Variants in ALG14 observed in about 807,000 individuals in gnomAD.
ALG14 encodes the protein ALG14 UDP-N-acetylglucosaminyltransferase subunit, also known as UDP-N-acetylglucosamine transferase subunit ALG14.
ALG14 carries 17 observed loss-of-function variants against 22.8 expected under a neutral mutation model. That is an observed-to-expected ratio of 0.75 (90% CI 0.51 to 1.12). ALG14 has a LOEUF of 1.12. Ranked by LOEUF, ALG14 falls within the 50% of genes most tolerant of loss-of-function variation. ALG14 has a pLI of 0.00. For synonymous variants in ALG14, 89 were observed against 103.7 expected, an observed-to-expected ratio of 0.86 and a Z score of 0.86; for missense variants, 288 against 271.8, an observed-to-expected ratio of 1.06 and a Z score of -0.42.
In ALG14 at chr1:94,979,310, A is replaced by AAAAAAAAAAAAAAAAAAG. The variant is rs1553222994; in HGVS notation, c.*3765_*3766insCTTTTTTTTTTTTTTTTT. ...GTCTCGAAAAAAAAAAAAAAAAAAA[A>AAAAAAAAAAAAAAAAAAG]AAAAGAAAGAAAAAAGTGAAACAAG... On this transcript the variant is annotated 3_prime_UTR_variant, in exon 4 of 4. Transcript: ENST00000370205. The AAAAAAAAAAAAAAAAAAG allele has an allele frequency of 3.3e-5, 3 of 89,838 alleles. No individual in the cohort carries two copies. Among genetic ancestry groups the AAAAAAAAAAAAAAAAAAG allele is most frequent in the Non-Finnish European group, 2.0e-5 (1 of 49,328 alleles). The allele number at this position is 89,838 out of a possible 1,614,324, so 5.6% of individuals were successfully genotyped here. A position where few individuals can be genotyped will look rare whatever the true frequency, so the allele number is the denominator to read the frequency against.
In ALG14 at chr1:94,983,249, C is replaced by T; in HGVS notation, c.478G>A (p.Gly160Arg). 3 of 1,614,040 alleles carry T rather than the reference C, an allele frequency of 1.9e-6. No individual in the cohort carries two copies. The highest frequency in any genetic ancestry group is 1.7e-6 in the Non-Finnish European group (2 of 1,180,008). ...VPICVSALLL[G>R]ILGIKKVIIV... ...ATCACTTTCTTTATTCCTAGTATCCCAAGGAGAAGGGCAGATACACAGATA... is the reference window on the plus strand; with the variant it reads ...ATCACTTTCTTTATTCCTAGTATCCTAAGGAGAAGGGCAGATACACAGATA... Residue 160 changes from glycine to arginine, a missense_variant, in exon 4 of 4, where the codon GGG becomes AGG. Gly to Arg is a moderately radical substitution (Grantham distance 125). Transcript: ENST00000370205.
At chr1:95,026,561 AT>A (rs1317528449) in intron 3 of ALG14, among the ~76,000 whole-genome samples, 2 of 152,026 alleles carry the variant, frequency 1.3e-5, no homozygotes, top group Non-Finnish European at 2.9e-5. Flanking sequence ...GAACACATAC[AT>A]TTATTAAGTT....
chr1:94,982,977 T>C lies in ALG14; in HGVS notation c.*99A>G. 1 of 949,752 alleles carries C rather than the reference T, an allele frequency of 1.1e-6. No homozygotes were observed. Among genetic ancestry groups the C allele is most frequent in the Non-Finnish European group, 1.6e-6 (1 of 612,686 alleles). 58.8% of individuals were successfully genotyped at this position (949,752 alleles called of 1,614,324 possible). On this transcript the variant is annotated 3_prime_UTR_variant, in exon 4 of 4. Coordinates refer to ENST00000370205, the MANE Select transcript of ALG14 (RefSeq NM_144988.4). ...TTACCATCAATAATTCTCAGGACTG[T>C]CAGACGCCTTTACAAGAAACATGTA...
At position 95,038,770 on chromosome 1, in the gene ALG14, G is replaced by A. The variant is rs553065340; in HGVS notation, c.289-11510C>T. 8.1e-5 allele frequency among the ~76,000 whole-genome samples: 12 copies of A among 148,394 alleles called. No homozygotes were observed. The South Asian group carries it at 2.6e-3, about 32-fold the overall frequency. On this transcript the variant is annotated intron_variant, in intron 2 of 3. Coordinates refer to ENST00000370205, the MANE Select transcript of ALG14 (RefSeq NM_144988.4). ...GTCTCCCTCTCTTGCCCAGGCTGGA[G>A]AGCAGCGGCATGATCATGACTCACT...
chr1:95,007,382 G>C (rs144002716), intron 3 of ALG14, among the ~76,000 whole-genome samples: 1 of 152,192 alleles, frequency 6.6e-6, no homozygotes, highest in Non-Finnish European at 1.5e-5. Flanking sequence ...CATGTCCCAA[G>C]TCATCTAACC....
rs779810500 is a variant in ALG14 at position 95,019,940 on chromosome 1, G to A, written c.420+7189C>T. 5.3e-5 allele frequency among the ~76,000 whole-genome samples: 8 copies of A among 152,162 alleles called. No homozygotes were observed. In the East Asian group the frequency reaches 1.2e-3, roughly 22 times the overall value. On this transcript the variant is annotated intron_variant, in intron 3 of 3. Coordinates refer to ENST00000370205, the MANE Select transcript of ALG14 (RefSeq NM_144988.4). ...AAAAAGAAATCCATGATACATGGCC[G>A]GGTGTGGTGGCTCATGCCTATAATC...
intron 2 of ALG14, among the ~76,000 whole-genome samples, chr1:95,037,985 G>C (rs887595573): frequency 6.6e-6 from 1 of 152,188 alleles, no homozygotes; most frequent in Non-Finnish European, 1.5e-5. Flanking sequence ...AGTGATAATT[G>C]CAGTCAAAGG....
intron 2 of ALG14, among the ~76,000 whole-genome samples, chr1:95,052,630 G>A (rs1479537282): frequency 6.6e-6 from 1 of 152,144 alleles, no homozygotes; most frequent in Non-Finnish European, 1.5e-5. Flanking sequence ...GGCCGAGGCA[G>A]GTGGATCATT....
intron 3 of ALG14, among the ~76,000 whole-genome samples, chr1:94,995,288 A>T (rs541484270): frequency 2.0e-4 from 31 of 152,184 alleles, no homozygotes; most frequent in Admixed American, 5.9e-4. Context: ...TTTATGTGTG[A>T]GAGAGAGATA....
intron 1 of ALG14, among the ~76,000 whole-genome samples, chr1:95,065,393 G>A (rs1289284038): frequency 1.3e-5 from 2 of 152,062 alleles, no homozygotes; most frequent in Non-Finnish European, 2.9e-5. Context: ...GTAAGCAAAT[G>A]GTTATGAAAA....
At chr1:95,030,862 G>A (rs1673978034) in intron 2 of ALG14, among the ~76,000 whole-genome samples, 1 of 152,186 alleles carries the variant, frequency 6.6e-6, no homozygotes, top group Admixed American at 6.5e-5. Flanking sequence ...CAGAAGAATA[G>A]AAACTAGTGC....
intron 3 of ALG14, among the ~76,000 whole-genome samples, chr1:94,988,723 T>C (rs755364245): frequency 1.3e-5 from 2 of 152,186 alleles, no homozygotes; most frequent in Non-Finnish European, 2.9e-5. Context: ...GTATTCAGAG[T>C]ATTTGGTTCA....
intron 3 of ALG14, among the ~76,000 whole-genome samples, chr1:94,985,393 C>G (rs1195102066): frequency 6.6e-6 from 1 of 152,178 alleles, no homozygotes; most frequent in Non-Finnish European, 1.5e-5. Context: ...CCACAAGATT[C>G]CAGTAATCAA....
At chr1:95,009,483 A>G (rs2100747509) in intron 3 of ALG14, among the ~76,000 whole-genome samples, 1 of 152,264 alleles carries the variant, frequency 6.6e-6, no homozygotes, top group South Asian at 2.1e-4. Context: ...TGTTGTGCTG[A>G]AATGGATTTT....
rs1287054517 is a variant in ALG14, at chr1:94,977,454, T to G, written c.*5622A>C. 6.6e-6 allele frequency: 1 copy of G among 152,202 alleles called. No individual in the cohort carries two copies. The highest frequency in any genetic ancestry group is 2.4e-5 in the African/African-American group (1 of 41,456). The allele number at this position is 152,202 out of a possible 1,614,324, so 9.4% of individuals were successfully genotyped here. ...GGTCAAAACTATTTTCATAGTAATATTAAGATGTTATTTGCCTTTTCCTTG... is the reference window on the plus strand; with the variant it reads ...GGTCAAAACTATTTTCATAGTAATAGTAAGATGTTATTTGCCTTTTCCTTG... On this transcript the variant is annotated 3_prime_UTR_variant, in exon 4 of 4. Transcript: ENST00000370205.
rs988050441 is a variant in ALG14, at chr1:94,977,777, T to C, written c.*5299A>G. Reference sequence around the variant, plus strand: ...GATCCTACCACCTCAGCCTCCCAAGTAGCTGGAACTATAGGTGTGCATCAC... The same window carrying C: ...GATCCTACCACCTCAGCCTCCCAAGCAGCTGGAACTATAGGTGTGCATCAC... On this transcript the variant is annotated 3_prime_UTR_variant, in exon 4 of 4. Transcript: ENST00000370205. 1 of 151,762 alleles carries C rather than the reference T, an allele frequency of 6.6e-6. No homozygotes were observed. Among genetic ancestry groups the C allele is most frequent in the Non-Finnish European group, 1.5e-5 (1 of 68,010 alleles). The allele number at this position is 151,762 out of a possible 1,614,324, so 9.4% of individuals were successfully genotyped here. A position where few individuals can be genotyped will look rare whatever the true frequency, so the allele number is the denominator to read the frequency against.
chr1:95,034,262 A>G (rs1483944261), intron 2 of ALG14, among the ~76,000 whole-genome samples: 2 of 152,196 alleles, frequency 1.3e-5, no homozygotes, highest in East Asian at 1.9e-4. Flanking sequence ...CCATCTTCAT[A>G]GCAATCACCA....
At position 95,033,418 on chromosome 1, in the gene ALG14, T is replaced by TACAC. The variant is rs1234307055; in HGVS notation, c.289-6159_289-6158insGTGT. On this transcript the variant is annotated intron_variant, in intron 2 of 3. Coordinates refer to ENST00000370205, the MANE Select transcript of ALG14 (RefSeq NM_144988.4). ...ACATACATACATATATATATATATA[T>TACAC]ATACACACACACACACACACACACA... Among the ~76,000 whole-genome samples, 194 of 130,422 alleles carry TACAC rather than the reference T, an allele frequency of 1.5e-3. No homozygotes were observed. In the Middle Eastern group the frequency reaches 0.023, roughly 16 times the overall value. 85.6% of individuals were successfully genotyped at this position (130,422 alleles called of 152,430 possible).
At position 95,048,756 on chromosome 1, in the gene ALG14, A is replaced by AT. The variant is rs1232967437; in HGVS notation, c.288+16109dup. Among the ~76,000 whole-genome samples the AT allele has an allele frequency of 4.8e-5, 7 of 147,018 alleles. No individual in the cohort carries two copies. In the East Asian group the frequency reaches 6.0e-4, roughly 13 times the overall value. On this transcript the variant is annotated intron_variant, in intron 2 of 3. Transcript: ENST00000370205. ...TTTTCTTTGGTAGGCTTTTCAAGGTATTTTTTTTTCATATAAGTAATTTCA... is the reference window on the plus strand; with the variant it reads ...TTTTCTTTGGTAGGCTTTTCAAGGTATTTTTTTTTTCATATAAGTAATTTCA...
Sources: allele counts gnomAD v4.1 joint callset (sites outside exome capture counted in the v4.1 genomes callset), GRCh38; gene constraint gnomAD v4.1.1; transcripts MANE v1.5; gene names NCBI Gene and HGNC (gene_info 2026-07-23, HGNC 2026-07-21).